Variants in IQGAP3 observed in about 807,000 individuals in gnomAD.
The protein encoded by IQGAP3 is ras GTPase-activating-like protein IQGAP3.
IQGAP3 carries 165 observed loss-of-function variants against 208.2 expected under a neutral mutation model. The observed-to-expected ratio is 0.79, with a 90% CI of 0.70 to 0.90. The LOEUF (loss-of-function observed/expected upper bound fraction) is 0.90. IQGAP3 is among the 40% of genes least tolerant of loss of function. The pLI is 0.00. For synonymous variants in IQGAP3, 703 were observed against 803.6 expected (o/e 0.87, Z 2.12); for missense variants, 1,811 against 2,043.1 (o/e 0.89, Z 2.19).
chr1:156,569,133 A>T (rs1280340463), intron 2 of IQGAP3, among the ~76,000 whole-genome samples: 1 of 152,174 alleles, frequency 6.6e-6, no homozygotes, highest in Non-Finnish European at 1.5e-5. Context: ...TGGATATTAT[A>T]ATGGCATTGT....
chr1:156,564,549 G>C (rs961680690), intron 5 of IQGAP3, 66 bp downstream of exon 5: 36 of 1,015,834 alleles, frequency 3.5e-5, no homozygotes, highest in Non-Finnish European at 6.3e-6. Context: ...TGCTGAGTTT[G>C]TTGTTGTTGA....
intron 23 of IQGAP3, 53 bp from the exon 24 acceptor site, chr1:156,540,043 C>T: frequency 6.2e-7 from 1 of 1,602,796 alleles, no homozygotes; most frequent in South Asian, 1.1e-5. Flanking sequence ...TCCCAGGGCA[C>T]AGAACATACG....
At position 156,534,686 on chromosome 1, in the gene IQGAP3, C is replaced by T. The variant is rs1674607065; in HGVS notation, c.3555G>A (p.Val1185=). The change falls in exon 29 of 38, where the codon GTG becomes GTA. Residue 1185 remains valine (V), a synonymous_variant. Coordinates refer to ENST00000361170, the MANE Select transcript of IQGAP3 (RefSeq NM_178229.5). ...LYYRFLNPAV[V]APDAFDIVAM... ...CCACAATGTCGAAGGCGTCAGGAGC[C>T]ACCACAGCTGGGTTCAGGAAGCGGT... 1.2e-6 allele frequency: 2 copies of T among 1,609,702 alleles called. No homozygotes were observed. The highest frequency in any genetic ancestry group is 8.5e-7 in the Non-Finnish European group (1 of 1,178,668).
rs1394599984 is a variant in IQGAP3, at chr1:156,560,320, TG to T, written c.1129+613del. On this transcript the variant is annotated intron_variant, in intron 11 of 37. Transcript: ENST00000361170. Reference sequence around the variant, plus strand: ...TGAGGCCAGGAGTTTGAGACCCACCTGGCCAACACGAAGAACCCTACCTCTA... The same window carrying T: ...TGAGGCCAGGAGTTTGAGACCCACCTGCCAACACGAAGAACCCTACCTCTA... 4.6e-5 allele frequency among the ~76,000 whole-genome samples: 7 copies of T among 152,252 alleles called. No homozygotes were observed. In the East Asian group the frequency reaches 1.4e-3, roughly 29 times the overall value.
chr1:156,556,718 T>A (rs1402985345), intron 11 of IQGAP3, 25 bp from the exon 12 acceptor site: 3 of 1,496,166 alleles, frequency 2.0e-6, no homozygotes, highest in Admixed American at 4.3e-5. Flanking sequence ...AGCAACAGGT[T>A]GTACTGGCCG....
intron 22 of IQGAP3, among the ~76,000 whole-genome samples, chr1:156,541,343 C>T (rs1267495628): frequency 6.6e-6 from 1 of 151,900 alleles, no homozygotes; most frequent in Non-Finnish European, 1.5e-5. Context: ...CTGCTTGCTC[C>T]CACAGTGCTC....
At chr1:156,572,101 T>C (rs1183873143) in intron 1 of IQGAP3, among the ~76,000 whole-genome samples, 1 of 152,162 alleles carries the variant, frequency 6.6e-6, no homozygotes, top group African/African-American at 2.4e-5. Flanking sequence ...GAAAGCGGCA[T>C]CTCAAAGCCT....
intron 14 of IQGAP3, 45 bp downstream of exon 14, chr1:156,551,929 C>T: frequency 6.2e-7 from 1 of 1,604,288 alleles, no homozygotes; most frequent in Non-Finnish European, 8.5e-7. Flanking sequence ...AGGGACAGGA[C>T]TGCCTAAGTT....
intron 19 of IQGAP3, among the ~76,000 whole-genome samples, chr1:156,545,034 C>T (rs1168173930): frequency 6.6e-6 from 1 of 152,184 alleles, no homozygotes; most frequent in East Asian, 1.9e-4. Context: ...CTAATGCTCT[C>T]ATAACTCACA....
chr1:156,564,806 G>A, intron 4 of IQGAP3, 115 bp from the exon 5 acceptor site: 2 of 739,850 alleles, frequency 2.7e-6, no homozygotes, highest in East Asian at 2.6e-5. Flanking sequence ...GTGTTCCCTT[G>A]TTACCTGGGG....
intron 2 of IQGAP3, 43 bp from the exon 3 acceptor site, chr1:156,566,589 C>G: frequency 4.4e-6 from 7 of 1,595,816 alleles, no homozygotes; most frequent in Non-Finnish European, 6.0e-6. Context: ...TGGCAGACCA[C>G]AGTGATTTAT....
At chr1:156,538,543 C>T (rs966772385) in intron 26 of IQGAP3, among the ~76,000 whole-genome samples, 1 of 152,206 alleles carries the variant, frequency 6.6e-6, no homozygotes, top group East Asian at 1.9e-4. Context: ...AGCAATTAAG[C>T]ACATTTGCAT....
At chr1:156,536,319 A>T (rs1204882271) in intron 27 of IQGAP3, among the ~76,000 whole-genome samples, 1 of 143,928 alleles carries the variant, frequency 6.9e-6, no homozygotes, top group Admixed American at 7.2e-5. Flanking sequence ...GTCATTTTCG[A>T]CAACATAGAT....
intron 34 of IQGAP3, 68 bp from the exon 35 acceptor site, chr1:156,529,150 A>T: frequency 1.3e-6 from 2 of 1,524,922 alleles, no homozygotes; most frequent in Admixed American, 1.7e-5. Context: ...GGCCTGACAC[A>T]GGCCCAAGAG....
In IQGAP3 at chr1:156,551,969, C is replaced by T. The variant is rs368875609; in HGVS notation, c.1570+5G>A. ...CATCTCCACCCAGCTCCAGACTATA[C>T]TTACGGTCAGTCTCTTCCTGGGTCT... On this transcript the variant is annotated splice_donor_5th_base_variant and intron_variant, in intron 14 of 37. Transcript: ENST00000361170. The T allele has an allele frequency of 2.2e-5, 35 of 1,613,308 alleles. No homozygotes were observed. Among genetic ancestry groups the T allele is most frequent in the Non-Finnish European group, 2.8e-5 (33 of 1,179,604 alleles).
intron 19 of IQGAP3, among the ~76,000 whole-genome samples, chr1:156,547,416 C>CACACACAG (rs1553225672): frequency 6.6e-6 from 1 of 151,510 alleles, no homozygotes; most frequent in African/African-American, 2.4e-5. Context: ...CACACACACA[C>CACACACAG]ACACACACAG....
chr1:156,537,345 G>C (rs1485219399), intron 26 of IQGAP3, 24 bp from the exon 27 acceptor site: 14 of 1,590,736 alleles, frequency 8.8e-6, no homozygotes, highest in Non-Finnish European at 1.2e-5. Context: ...GAGACAAGGT[G>C]TAAGCAGGAG....
Position 156,526,478 on chromosome 1 carries a change from T to G in IQGAP3, c.*8A>C. On this transcript the variant is annotated 3_prime_UTR_variant, in exon 38 of 38. Coordinates refer to ENST00000361170, the MANE Select transcript of IQGAP3 (RefSeq NM_178229.5). The stretch of plus-strand genomic sequence containing the variant: ...TAAGAGGGGCTTGGGTAGCACCCTT[T>G]GCCTCTGTCACTTCCGCAAAAACTT... 6.3e-7 allele frequency: 1 copy of G among 1,581,540 alleles called. No homozygotes were observed.
intron 11 of IQGAP3, 38 bp from the exon 12 acceptor site, chr1:156,556,731 C>A: frequency 1.4e-6 from 2 of 1,473,874 alleles, no homozygotes; most frequent in Admixed American, 2.3e-5. Flanking sequence ...ACTGGCCGGG[C>A]ATTCAGTGGC....
Sources: allele counts gnomAD v4.1 joint callset (sites outside exome capture counted in the v4.1 genomes callset), GRCh38; gene constraint gnomAD v4.1.1; transcripts MANE v1.5; gene names NCBI Gene and HGNC (gene_info 2026-07-23, HGNC 2026-07-21).